The following PXDNL variants were observed in gnomAD, a reference collection of about 807,000 sequenced individuals.
PXDNL encodes probable oxidoreductase PXDNL.
In PXDNL, 145 loss-of-function variants were observed where a neutral mutation model predicts 150.8. The observed-to-expected ratio is 0.96, with a 90% CI of 0.84 to 1.10. The LOEUF (loss-of-function observed/expected upper bound fraction) is 1.10, where lower values mean the gene tolerates loss of function less well. Ranked by LOEUF, PXDNL falls within the 50% of genes least tolerant of loss-of-function variation. The pLI is 0.00. For synonymous variants in PXDNL, 757 were observed against 725.7 expected (o/e 1.04, Z -0.69); for missense variants, 2,087 against 1,873.9 (o/e 1.11, Z -2.10).
At chr8:51,441,119 T>C (rs1197722656) in intron 12 of PXDNL, among the ~76,000 whole-genome samples, 1 of 152,148 alleles carries the variant, frequency 6.6e-6, no homozygotes, top group African/African-American at 2.4e-5. Context: ...TCTAGTAATA[T>C]TGAGTTCTCA....
At chr8:51,385,463 G>A (rs2130822321) in intron 17 of PXDNL, among the ~76,000 whole-genome samples, 1 of 152,154 alleles carries the variant, frequency 6.6e-6, no homozygotes, top group Admixed American at 6.5e-5. Flanking sequence ...TTTAATTTCT[G>A]ATTGAGAAAT....
intron 5 of PXDNL, among the ~76,000 whole-genome samples, chr8:51,491,859 C>T (rs917413016): frequency 6.6e-6 from 1 of 152,236 alleles, no homozygotes; most frequent in East Asian, 1.9e-4. Flanking sequence ...CATTGTGATG[C>T]TAAATCTTGA....
At chr8:51,431,922 T>C (rs1183622182) in intron 12 of PXDNL, among the ~76,000 whole-genome samples, 4 of 152,340 alleles carry the variant, frequency 2.6e-5, no homozygotes, top group African/African-American at 9.6e-5. Flanking sequence ...ATTACAGATA[T>C]CAAAACACAC....
intron 6 of PXDNL, among the ~76,000 whole-genome samples, chr8:51,476,539 A>G (rs1170872079): frequency 6.6e-6 from 1 of 152,212 alleles, no homozygotes; most frequent in Non-Finnish European, 1.5e-5. Flanking sequence ...TTGCCAAGTT[A>G]TACTATACTT....
intron 1 of PXDNL, among the ~76,000 whole-genome samples, chr8:51,804,717 G>A (rs1173601591): frequency 6.6e-6 from 1 of 152,094 alleles, no homozygotes; most frequent in Non-Finnish European, 1.5e-5. Context: ...AGGGTTGAAA[G>A]GCAGCACTTA....
chr8:51,564,321 GA>G (rs1250583101), intron 3 of PXDNL, among the ~76,000 whole-genome samples: 2 of 151,888 alleles, frequency 1.3e-5, no homozygotes, highest in Non-Finnish European at 2.9e-5. Context: ...TTGTGGGTTA[GA>G]AAAAGGGATA....
At chr8:51,658,358 A>G (rs1437850056) in intron 1 of PXDNL, among the ~76,000 whole-genome samples, 6 of 86,814 alleles carry the variant, frequency 6.9e-5, no homozygotes, top group Admixed American at 1.4e-4. Context: ...AAAAAAAAAA[A>G]AAAGAAAAGA....
chr8:51,782,548 A>G (rs1264994601), intron 1 of PXDNL, among the ~76,000 whole-genome samples: 1 of 152,256 alleles, frequency 6.6e-6, no homozygotes, highest in Non-Finnish European at 1.5e-5. Context: ...CAGGGCACAT[A>G]GTAGTCACTG....
chr8:51,418,886 G>C (rs6983511), intron 14 of PXDNL, among the ~76,000 whole-genome samples: 22,210 of 152,054 alleles, frequency 0.15, 1,888 homozygotes, highest in East Asian at 0.31. Context: ...ATGATGAAAG[G>C]CTGAGCCATA....
intron 14 of PXDNL, among the ~76,000 whole-genome samples, 184 bp downstream of exon 14, chr8:51,423,391 T>C (rs1347935101): frequency 6.6e-6 from 1 of 152,196 alleles, no homozygotes; most frequent in Non-Finnish European, 1.5e-5. Flanking sequence ...TTTATATCCT[T>C]TAAGATTGTT....
intron 12 of PXDNL, among the ~76,000 whole-genome samples, chr8:51,437,346 T>C (rs1490943983): frequency 6.6e-6 from 1 of 152,278 alleles, no homozygotes; most frequent in African/African-American, 2.4e-5. Flanking sequence ...ATGAAGCCAG[T>C]ATCATCCTAA....
At chr8:51,702,303 T>A (rs1402090010) in intron 1 of PXDNL, among the ~76,000 whole-genome samples, 1 of 152,166 alleles carries the variant, frequency 6.6e-6, no homozygotes, top group Non-Finnish European at 1.5e-5. Context: ...AGTGATGGAA[T>A]GCTGGAACTG....
chr8:51,546,712 C>T (rs1178026336), intron 4 of PXDNL, among the ~76,000 whole-genome samples: 2 of 152,176 alleles, frequency 1.3e-5, no homozygotes, highest in Non-Finnish European at 2.9e-5. Flanking sequence ...AGGCCTGAGA[C>T]CCCTACTTGC....
At chr8:51,546,960 C>A (rs568027858) in intron 4 of PXDNL, among the ~76,000 whole-genome samples, 4 of 152,260 alleles carry the variant, frequency 2.6e-5, no homozygotes, top group South Asian at 2.1e-4. Context: ...GGCCAAAGAA[C>A]CACCCGCTCA....
At chr8:51,363,874 G>A (rs1195299712) in intron 19 of PXDNL, among the ~76,000 whole-genome samples, 1 of 152,080 alleles carries the variant, frequency 6.6e-6, no homozygotes, top group African/African-American at 2.4e-5. Flanking sequence ...TATTCCTGGA[G>A]AAATAGCCAG....
intron 21 of PXDNL, among the ~76,000 whole-genome samples, chr8:51,328,629 C>T (rs148443809): frequency 2.1e-3 from 321 of 152,182 alleles, no homozygotes; most frequent in East Asian, 0.011. Context: ...AGTAACTTCC[C>T]GAACTAAAAT....
At chr8:51,640,156 C>T (rs1024773707) in intron 2 of PXDNL, among the ~76,000 whole-genome samples, 8 of 152,164 alleles carry the variant, frequency 5.3e-5, no homozygotes, top group Non-Finnish European at 8.8e-5. Flanking sequence ...TTCAACAACC[C>T]TTCATGCTAA....
chr8:51,756,949 G>A (rs1041694386), intron 1 of PXDNL, among the ~76,000 whole-genome samples: 3 of 152,028 alleles, frequency 2.0e-5, no homozygotes, highest in Non-Finnish European at 2.9e-5. Flanking sequence ...GTGGATATTC[G>A]TATGTTTAGA....
intron 1 of PXDNL, among the ~76,000 whole-genome samples, chr8:51,765,372 A>G (rs1310394430): frequency 1.3e-5 from 2 of 152,100 alleles, no homozygotes; most frequent in African/African-American, 2.4e-5. Flanking sequence ...TCACCTTCTG[A>G]CATGATTATG....
Sources: allele counts gnomAD v4.1 joint callset (sites outside exome capture counted in the v4.1 genomes callset), GRCh38; gene constraint gnomAD v4.1.1; transcripts MANE v1.5; gene names NCBI Gene and HGNC (gene_info 2026-07-23, HGNC 2026-07-21).